UNC13C: variants seen among roughly 807,000 people sequenced by gnomAD.
UNC13C encodes the protein protein unc-13 homolog C.
Under a neutral mutation model 245.4 loss-of-function variants are expected in UNC13C, and 174 were observed. That is an observed-to-expected ratio of 0.71 (90% confidence interval 0.63 to 0.80). The LOEUF (loss-of-function observed/expected upper bound fraction) is 0.80. UNC13C is among the 30% of genes least tolerant of loss of function. The pLI is 0.00. For missense variants in UNC13C, 2,829 were observed against 2,602.9 expected (o/e 1.09, Z -1.89); for synonymous variants, 992 against 895.1 (o/e 1.11, Z -1.93).
intron 19 of UNC13C, among the ~76,000 whole-genome samples, chr15:54,480,366 C>G (rs966404111): frequency 6.7e-6 from 1 of 149,748 alleles, no homozygotes; most frequent in Non-Finnish European, 1.5e-5. Flanking sequence ...TATTTTGTCA[C>G]TTTATAATGT....
intron 4 of UNC13C, among the ~76,000 whole-genome samples, chr15:54,151,669 G>T (rs1217345741): frequency 2.0e-5 from 3 of 152,146 alleles, no homozygotes; most frequent in Admixed American, 6.5e-5. Flanking sequence ...CTCCCAAAGT[G>T]CTGGGATGAT....
At chr15:54,458,678 G>GTTTTTTT (rs1407353316) in intron 19 of UNC13C, among the ~76,000 whole-genome samples, 9 of 38,624 alleles carry the variant, frequency 2.3e-4, no homozygotes, top group Non-Finnish European at 3.3e-4. Context: ...TTCCTTTAAG[G>GTTTTTTT]TCTTTTTTTT....
At chr15:54,585,016 C>T (rs151112962) in intron 30 of UNC13C, among the ~76,000 whole-genome samples, 38 of 152,322 alleles carry the variant, frequency 2.5e-4, no homozygotes, top group Admixed American at 6.5e-4. Context: ...TTTGATTCCC[C>T]ATCACCAGAC....
chr15:54,505,740 T>A (rs1407134484), intron 22 of UNC13C, among the ~76,000 whole-genome samples: 2 of 127,482 alleles, frequency 1.6e-5, no homozygotes, highest in Non-Finnish European at 3.2e-5. Flanking sequence ...CTTTAAGCTA[T>A]ATTCTTTTTT....
chr15:54,158,486 A>T (rs2032843776), intron 4 of UNC13C, among the ~76,000 whole-genome samples: 1 of 151,696 alleles, frequency 6.6e-6, no homozygotes, highest in Non-Finnish European at 1.5e-5. Flanking sequence ...TGCCCAGCTA[A>T]TTTTTTGTAT....
chr15:54,472,769 A>C lies in UNC13C; in HGVS notation c.4934-21839A>C, dbSNP rs561952380. On this transcript the variant is annotated intron_variant, in intron 19 of 32. Coordinates refer to ENST00000260323, the MANE Select transcript of UNC13C (RefSeq NM_001080534.3). ...CTGAAATATGTACTGATAATCTAAT[A>C]GACGTTCTCACATATATAACAATTT... 3.3e-5 allele frequency among the ~76,000 whole-genome samples: 5 copies of C among 152,078 alleles called. No homozygotes were observed. In the East Asian group the frequency reaches 9.6e-4, roughly 29 times the overall value.
intron 12 of UNC13C, 52 bp downstream of exon 12, chr15:54,297,978 T>C: frequency 8.1e-7 from 1 of 1,234,088 alleles, no homozygotes; most frequent in Non-Finnish European, 1.1e-6. Flanking sequence ...TTCTTGATTA[T>C]GGATTATAAA....
intron 23 of UNC13C, among the ~76,000 whole-genome samples, chr15:54,509,896 C>T (rs913915167): frequency 2.6e-5 from 4 of 152,080 alleles, no homozygotes; most frequent in African/African-American, 9.7e-5. Context: ...TTTTTGTTTC[C>T]CTCCGGATAA....
At chr15:54,172,721 T>G (rs79869123) in intron 4 of UNC13C, among the ~76,000 whole-genome samples, 8 of 20,694 alleles carry the variant, frequency 3.9e-4, no homozygotes, top group African/African-American at 1.3e-3. Flanking sequence ...TATATATATA[T>G]ATATATATAT....
chr15:54,472,489 A>G (rs11638481), intron 19 of UNC13C, among the ~76,000 whole-genome samples: 1 of 151,770 alleles, frequency 6.6e-6, no homozygotes, highest in African/African-American at 2.4e-5. Flanking sequence ...TTTTCATATC[A>G]GTAATTAGCA....
chr15:53,876,656 A>G, the UNC13C span, among the ~76,000 whole-genome samples: 7 of 152,190 alleles, frequency 4.6e-5, no homozygotes, highest in Middle Eastern at 3.4e-3. Context: ...TTTTTTTTGA[A>G]AAGTCTGCTC....
At chr15:54,506,881 C>T (rs1894497607) in intron 22 of UNC13C, among the ~76,000 whole-genome samples, 1 of 151,544 alleles carries the variant, frequency 6.6e-6, no homozygotes, top group Non-Finnish European at 1.5e-5. Context: ...CAAACACATT[C>T]ATGCATCTTT....
At chr15:53,997,949 T>A (rs1894709381) in intron 1 of UNC13C, among the ~76,000 whole-genome samples, 1 of 151,976 alleles carries the variant, frequency 6.6e-6, no homozygotes, top group Admixed American at 6.6e-5. Flanking sequence ...ACTACAGGTG[T>A]GCGCCACCAT....
chr15:54,501,102 A>C, intron 22 of UNC13C, 124 bp downstream of exon 22: 1 of 943,590 alleles, frequency 1.1e-6, no homozygotes, highest in South Asian at 2.0e-5. Context: ...CTGTACTAGT[A>C]AATTCAGTTG....
chr15:54,205,280 C>T (rs1253699079), intron 4 of UNC13C, among the ~76,000 whole-genome samples: 1 of 151,950 alleles, frequency 6.6e-6, no homozygotes, highest in Non-Finnish European at 1.5e-5. Flanking sequence ...GTCTAATGAT[C>T]AACTAGTTAA....
intron 14 of UNC13C, 78 bp from the exon 15 acceptor site, chr15:54,331,965 A>G: frequency 1.1e-6 from 1 of 913,538 alleles, no homozygotes; most frequent in African/African-American, 1.7e-5. Flanking sequence ...TAAAATAGAG[A>G]CAAAACTCAG....
intron 19 of UNC13C, among the ~76,000 whole-genome samples, chr15:54,464,033 C>T (rs915647268): frequency 3.9e-5 from 6 of 152,118 alleles, no homozygotes; most frequent in African/African-American, 1.2e-4. Flanking sequence ...AAGCAGTTAA[C>T]GAATGTAAAT....
chr15:53,952,121 A>G, the UNC13C span, among the ~76,000 whole-genome samples: 1 of 152,212 alleles, frequency 6.6e-6, no homozygotes, highest in Non-Finnish European at 1.5e-5. Flanking sequence ...GGCCAAGGAC[A>G]CAGTAAACCA....
At chr15:54,242,378 A>AT (rs1219350838) in intron 7 of UNC13C, among the ~76,000 whole-genome samples, 2 of 152,010 alleles carry the variant, frequency 1.3e-5, no homozygotes, top group Admixed American at 6.6e-5. Context: ...GACAATTTAT[A>AT]TTTTTTCAGC....
Sources: allele counts gnomAD v4.1 joint callset (sites outside exome capture counted in the v4.1 genomes callset), GRCh38; gene constraint gnomAD v4.1.1; transcripts MANE v1.5; gene names NCBI Gene and HGNC (gene_info 2026-07-23, HGNC 2026-07-21).